The following PRKG1 variants were observed in gnomAD, a reference collection of about 807,000 sequenced individuals.
PRKG1 encodes protein kinase cGMP-dependent 1, also known as cGMP-dependent protein kinase 1.
A neutral mutation model predicts 88.1 loss-of-function variants in PRKG1; 35 were observed. That is an observed-to-expected ratio of 0.40 (90% CI 0.30 to 0.53). The LOEUF is 0.53. PRKG1 is among the 20% of genes least tolerant of loss of function. The pLI, the probability that PRKG1 is intolerant of heterozygous loss-of-function variation, is 0.59. For synonymous variants in PRKG1, 303 were observed against 292.5 expected, an observed-to-expected ratio of 1.04 and a Z score of -0.37; for missense variants, 540 against 839.8, an observed-to-expected ratio of 0.64 and a Z score of 4.41.
intron 4 of PRKG1, among the ~76,000 whole-genome samples, chr10:51,870,309 C>A (rs1841123326): frequency 6.6e-6 from 1 of 152,004 alleles, no homozygotes; most frequent in Admixed American, 6.6e-5. Context: ...ATTAAAATTT[C>A]TTTATAAAAG....
At chr10:52,154,707 T>C (rs1838041848) in intron 8 of PRKG1, among the ~76,000 whole-genome samples, 1 of 152,192 alleles carries the variant, frequency 6.6e-6, no homozygotes, top group Non-Finnish European at 1.5e-5. Flanking sequence ...GGGTAAGTTC[T>C]TTAGCGGTGA....
intron 2 of PRKG1, among the ~76,000 whole-genome samples, chr10:51,458,327 A>G (rs1007688033): frequency 6.6e-6 from 1 of 152,184 alleles, no homozygotes; most frequent in Non-Finnish European, 1.5e-5. Flanking sequence ...CATGAAATGA[A>G]ATTAAAATGT....
At chr10:51,754,074 T>C (rs1250599343) in intron 3 of PRKG1, among the ~76,000 whole-genome samples, 1 of 152,128 alleles carries the variant, frequency 6.6e-6, no homozygotes, top group Non-Finnish European at 1.5e-5. Context: ...CCTTTCTTCT[T>C]CTGGGCTGTC....
At chr10:51,381,256 TAAAAAAAAAAAAAAAAAAAAAAAA>T (rs71029366) in intron 2 of PRKG1, among the ~76,000 whole-genome samples, 22 of 32,056 alleles carry the variant, frequency 6.9e-4, no homozygotes, top group Non-Finnish European at 8.4e-4. Context: ...GCCTCCATCT[TAAAAAAAAAAAAAAAAAAAAAAAA>T]AAAAAAAAAA....
chr10:52,212,660 T>C (rs1296974197), intron 9 of PRKG1, among the ~76,000 whole-genome samples: 1 of 151,652 alleles, frequency 6.6e-6, no homozygotes, highest in African/African-American at 2.4e-5. Flanking sequence ...GAAATACTAG[T>C]TACAAGGCAG....
chr10:51,812,006 G>T (rs547488767), intron 4 of PRKG1, among the ~76,000 whole-genome samples: 1 of 152,160 alleles, frequency 6.6e-6, no homozygotes, highest in African/African-American at 2.4e-5. Context: ...TATGAAGAGT[G>T]CCTGGGTTTA....
intron 1 of PRKG1, among the ~76,000 whole-genome samples, chr10:51,069,195 G>A (rs779281521): frequency 1.1e-4 from 16 of 151,878 alleles, no homozygotes; most frequent in East Asian, 5.8e-4. Context: ...GGTACAGTAC[G>A]CTGTTACTTT....
At chr10:52,195,578 G>A (rs1339133541) in intron 9 of PRKG1, among the ~76,000 whole-genome samples, 1 of 152,028 alleles carries the variant, frequency 6.6e-6, no homozygotes, top group African/African-American at 2.4e-5. Flanking sequence ...CAAAACACAA[G>A]CGTGTTTTTA....
intron 8 of PRKG1, among the ~76,000 whole-genome samples, chr10:52,149,432 T>C (rs4564282): frequency 0.67 from 101,299 of 151,890 alleles, 34,928 homozygotes; most frequent in South Asian, 0.77. Context: ...ATGTTGAAGT[T>C]CTAACCCCCA....
chr10:51,890,002 T>G (rs1380038251), intron 4 of PRKG1, among the ~76,000 whole-genome samples: 3 of 152,054 alleles, frequency 2.0e-5, no homozygotes, highest in Non-Finnish European at 4.4e-5. Flanking sequence ...CTCCCATTCT[T>G]TAGGTTGCCT....
At position 51,041,124 on chromosome 10, in the gene PRKG1, A is replaced by T. The variant is rs1392261567; in HGVS notation, c.266+49480A>T. Among the ~76,000 whole-genome samples the T allele has an allele frequency of 9.9e-5, 15 of 152,114 alleles. No homozygotes were observed. The East Asian group carries it at 2.5e-3, about 26-fold the overall frequency. On this transcript the variant is annotated intron_variant, in intron 1 of 17. Coordinates refer to the PRKG1 transcript ENST00000401604. ...CCACCACCCCACGCCTGGAGTGAGC[A>T]CTGCCTGGCTATCACTGATGTTCAT... is the stretch of plus-strand genomic sequence containing the variant.
At chr10:51,564,241 C>A (rs1181684297) in intron 3 of PRKG1, among the ~76,000 whole-genome samples, 1 of 151,726 alleles carries the variant, frequency 6.6e-6, no homozygotes, top group African/African-American at 2.4e-5. Context: ...AACAAAAAAA[C>A]CCTTTTTCTC....
At chr10:51,627,933 C>T (rs951844392) in intron 3 of PRKG1, among the ~76,000 whole-genome samples, 970 of 22,440 alleles carry the variant, frequency 0.043, 29 homozygotes, top group Non-Finnish European at 0.087. Flanking sequence ...TTCCTTTCTT[C>T]CTTCCTTCCT....
chr10:51,824,605 C>G (rs1839838296), intron 4 of PRKG1, among the ~76,000 whole-genome samples: 1 of 152,106 alleles, frequency 6.6e-6, no homozygotes, highest in African/African-American at 2.4e-5. Context: ...TTATTTGGTT[C>G]ATGGTTCTAC....
At chr10:51,080,949 A>T (rs1020149037) in intron 1 of PRKG1, among the ~76,000 whole-genome samples, 1 of 152,152 alleles carries the variant, frequency 6.6e-6, no homozygotes, top group Admixed American at 6.5e-5. Context: ...TCCCTCCAAA[A>T]CTGTCCTGTA....
At chr10:51,621,919 T>C (rs1839220983) in intron 3 of PRKG1, among the ~76,000 whole-genome samples, 1 of 152,194 alleles carries the variant, frequency 6.6e-6, no homozygotes, top group Non-Finnish European at 1.5e-5. Context: ...GGACTCTTGA[T>C]TCGGTTCCTT....
intron 3 of PRKG1, among the ~76,000 whole-genome samples, chr10:51,627,929 T>TCTTC (rs1193939359): frequency 0.041 from 1,707 of 41,476 alleles, 141 homozygotes; most frequent in African/African-American, 0.096. Flanking sequence ...TCCCTTCCTT[T>TCTTC]CTTCCTTCCT....
intron 2 of PRKG1, among the ~76,000 whole-genome samples, chr10:51,443,303 G>T (rs146104296): frequency 5.3e-4 from 81 of 152,068 alleles, no homozygotes; most frequent in African/African-American, 1.8e-3. Flanking sequence ...CAATACAGTG[G>T]CAGAGTTGAG....
intron 3 of PRKG1, among the ~76,000 whole-genome samples, chr10:51,744,847 A>G (rs1261891013): frequency 6.6e-6 from 1 of 152,200 alleles, no homozygotes; most frequent in African/African-American, 2.4e-5. Context: ...AGAGAGCTTC[A>G]TGAAAGATTA....
Sources: gnomAD v4.1 joint callset for allele counts (sites outside exome capture counted in the v4.1 genomes callset) on GRCh38, gnomAD v4.1.1 for gene constraint, MANE v1.5 for transcripts, NCBI Gene and HGNC (gene_info 2026-07-23, HGNC 2026-07-21) for gene names.